The following NRXN3 variants were observed in gnomAD, a reference collection of about 807,000 sequenced individuals.
NRXN3 encodes the protein neurexin 3.
In NRXN3, 32 loss-of-function variants were observed where a neutral mutation model predicts 137.6. The ratio of observed to expected loss-of-function variants is 0.23; its 90% CI spans 0.18 to 0.31. NRXN3 has a LOEUF of 0.31. NRXN3 is among the 10% of genes least tolerant of loss of function. The pLI, the probability that NRXN3 is intolerant of heterozygous loss-of-function variation, is 1.00. For missense variants in NRXN3, 1,574 were observed against 2,062.5 expected, an observed-to-expected ratio of 0.76 and a Z score of 4.59; for synonymous variants, 798 against 784.5, an observed-to-expected ratio of 1.02 and a Z score of -0.29.
At chr14:79,344,608 C>A (rs919605795) in intron 15 of NRXN3, among the ~76,000 whole-genome samples, 1 of 152,008 alleles carries the variant, frequency 6.6e-6, no homozygotes, top group Admixed American at 6.5e-5. Context: ...CTAATTAAAA[C>A]AATTATACAT....
At chr14:79,172,823 A>G (rs2061919044) in intron 15 of NRXN3, among the ~76,000 whole-genome samples, 1 of 152,190 alleles carries the variant, frequency 6.6e-6, no homozygotes, top group Non-Finnish European at 1.5e-5. Context: ...TAATTCTAAT[A>G]TAAAACCATT....
In NRXN3 at chr14:78,327,278, A is replaced by G. The variant is rs572842089; in HGVS notation, c.757+29418A>G. ...TATCACAGAAACCTACTGTCAACCTAAAGGTGATATTTGAATGGGGATAGG... is the reference window on the plus strand; with the variant it reads ...TATCACAGAAACCTACTGTCAACCTGAAGGTGATATTTGAATGGGGATAGG... On this transcript the variant is annotated intron_variant, in intron 4 of 20. Coordinates refer to ENST00000335750, the MANE Select transcript of NRXN3 (RefSeq NM_001330195.2). 1.3e-3 allele frequency among the ~76,000 whole-genome samples: 193 copies of G among 152,306 alleles called. 1 individual carries two copies. Among genetic ancestry groups the G allele is most frequent in the Non-Finnish European group, 2.3e-3 (159 of 68,028 alleles).
In NRXN3 at chr14:79,641,810, G is replaced by A. The variant is rs1215239596; in HGVS notation, c.3445-21968G>A. ...CTTGAGTTCTCCCAGTTGTTCTCCT[G>A]TCATTTTGCAGGTCAATCTGCTTCA... On this transcript the variant is annotated intron_variant, in intron 16 of 20. Coordinates refer to ENST00000335750, the MANE Select transcript of NRXN3 (RefSeq NM_001330195.2). 2.2e-5 allele frequency among the ~76,000 whole-genome samples: 3 copies of A among 135,234 alleles called. 1 individual carries two copies. The Middle Eastern group carries it at 0.011, about 476-fold the overall frequency. 88.7% of individuals were successfully genotyped at this position (135,234 alleles called of 152,430 possible).
At chr14:79,129,401 G>A (rs1423693016) in intron 15 of NRXN3, among the ~76,000 whole-genome samples, 1 of 151,064 alleles carries the variant, frequency 6.6e-6, no homozygotes, top group Non-Finnish European at 1.5e-5. Context: ...TGGTTTCAAA[G>A]AACATGTTTA....
At chr14:78,427,659 CA>C (rs1377343091) in intron 4 of NRXN3, among the ~76,000 whole-genome samples, 1 of 152,126 alleles carries the variant, frequency 6.6e-6, no homozygotes, top group Non-Finnish European at 1.5e-5. Context: ...TGTCACAGAG[CA>C]GAAGATGGAC....
Position 78,928,641 on chromosome 14 carries a change from T to C in NRXN3, c.2276-28601T>C, listed in dbSNP as rs559984343. Reference sequence around the variant, plus strand: ...CAAAGGACATGAACTCATCCTTTTTTATGGCTGCATAGTATTCCATGGTGT... The same window carrying C: ...CAAAGGACATGAACTCATCCTTTTTCATGGCTGCATAGTATTCCATGGTGT... On this transcript the variant is annotated intron_variant, in intron 10 of 20. Coordinates refer to ENST00000335750, the MANE Select transcript of NRXN3 (RefSeq NM_001330195.2). Among the ~76,000 whole-genome samples the C allele has an allele frequency of 2.0e-5, 3 of 152,322 alleles. No individual in the cohort carries two copies. In the East Asian group the frequency reaches 5.8e-4, roughly 29 times the overall value.
intron 15 of NRXN3, among the ~76,000 whole-genome samples, chr14:79,442,102 C>T (rs1359063257): frequency 1.3e-5 from 2 of 152,090 alleles, no homozygotes; most frequent in African/African-American, 4.8e-5. Flanking sequence ...ATTATTTTTC[C>T]TACCAGTTAA....
chr14:78,683,300 C>T (rs1254793269), intron 6 of NRXN3, among the ~76,000 whole-genome samples: 1 of 152,144 alleles, frequency 6.6e-6, no homozygotes, highest in Admixed American at 6.5e-5. Context: ...TGCTATTGGA[C>T]ATTATTCTAG....
chr14:78,678,342 A>T (rs898940851), intron 6 of NRXN3, among the ~76,000 whole-genome samples: 2 of 149,488 alleles, frequency 1.3e-5, no homozygotes, highest in African/African-American at 4.9e-5. Flanking sequence ...TTGTAGAGAC[A>T]GGGTTTCACT....
At chr14:78,439,986 G>A (rs906374709) in intron 4 of NRXN3, among the ~76,000 whole-genome samples, 2 of 152,176 alleles carry the variant, frequency 1.3e-5, no homozygotes, top group Non-Finnish European at 2.9e-5. Flanking sequence ...CTTTTGGCTG[G>A]AATCTTTGTC....
At chr14:78,270,041 C>T (rs1262240664) in intron 2 of NRXN3, among the ~76,000 whole-genome samples, 1 of 152,166 alleles carries the variant, frequency 6.6e-6, no homozygotes, top group Non-Finnish European at 1.5e-5. Flanking sequence ...TCAGTCCTAC[C>T]AGGCAAGTAG....
chr14:78,515,666 C>G (rs1297433818), intron 4 of NRXN3, among the ~76,000 whole-genome samples: 1 of 151,962 alleles, frequency 6.6e-6, no homozygotes, highest in South Asian at 2.1e-4. Context: ...AGGAAAAATA[C>G]TGTCTTCAGG....
intron 15 of NRXN3, among the ~76,000 whole-genome samples, chr14:79,234,333 TA>T (rs1169343526): frequency 1.8e-5 from 2 of 110,692 alleles, no homozygotes; most frequent in African/African-American, 6.9e-5. Flanking sequence ...TATATATATA[TA>T]TATATAATAT....
At position 78,170,399 on chromosome 14, in the gene NRXN3, CA is replaced by C. The variant is rs932473373; in HGVS notation, c.-978del. 2 of 152,366 alleles carry C rather than the reference CA, an allele frequency of 1.3e-5. No homozygotes were observed. Among genetic ancestry groups the C allele is most frequent in the African/African-American group, 2.4e-5 (1 of 41,454 alleles). The allele number at this position is 152,366 out of a possible 1,614,324, so 9.4% of individuals were successfully genotyped here. A position where few individuals can be genotyped will look rare whatever the true frequency, so the allele number is the denominator to read the frequency against. ...GTCTCAGGCTCAGCGCTCAGCCCTA[CA>C]CATCGCCTCTTGCATGCAACTCACA... On this transcript the variant is annotated 5_prime_UTR_variant, in exon 1 of 21. Transcript: ENST00000335750.
At chr14:78,543,244 C>T (rs914488718) in intron 4 of NRXN3, among the ~76,000 whole-genome samples, 1 of 152,114 alleles carries the variant, frequency 6.6e-6, no homozygotes, top group African/African-American at 2.4e-5. Flanking sequence ...TTGATGCATT[C>T]ATGATCTGAG....
At position 78,975,792 on chromosome 14, in the gene NRXN3, C is replaced by T. The variant is rs574440401; in HGVS notation, c.3142+7446C>T. Among the ~76,000 whole-genome samples the T allele has an allele frequency of 2.6e-5, 4 of 152,306 alleles. No homozygotes were observed. In the South Asian group the frequency reaches 6.2e-4, roughly 24 times the overall value. On this transcript the variant is annotated intron_variant, in intron 14 of 20. Transcript: ENST00000335750. ...CTCCTGTTTGCTGCACACACCCTCT[C>T]CACTGCTACACTGTTATTCTGGTTA...
chr14:79,069,311 G>GAT (rs1156855083), intron 15 of NRXN3, among the ~76,000 whole-genome samples: 1 of 152,154 alleles, frequency 6.6e-6, no homozygotes, highest in East Asian at 1.9e-4. Context: ...TTGGCTCAGT[G>GAT]ATATGATTTT....
intron 1 of NRXN3, among the ~76,000 whole-genome samples, chr14:78,238,282 C>T (rs918276156): frequency 6.6e-6 from 1 of 152,230 alleles, no homozygotes; most frequent in African/African-American, 2.4e-5. Context: ...CACTTTCCCT[C>T]TCTCGCTTGA....
At chr14:79,192,385 T>C (rs982381799) in intron 15 of NRXN3, among the ~76,000 whole-genome samples, 1 of 152,198 alleles carries the variant, frequency 6.6e-6, no homozygotes, top group African/African-American at 2.4e-5. Context: ...TACTCTTGTC[T>C]CACCGAGGAA....
Sources: allele counts gnomAD v4.1 joint callset (sites outside exome capture counted in the v4.1 genomes callset), GRCh38; gene constraint gnomAD v4.1.1; transcripts MANE v1.5; gene names NCBI Gene and HGNC (gene_info 2026-07-23, HGNC 2026-07-21).